UTRN: variants seen among roughly 807,000 people sequenced by gnomAD.
The protein encoded by UTRN is utrophin.
Under a neutral mutation model 463.9 loss-of-function variants are expected in UTRN, and 283 were observed. The ratio of observed to expected loss-of-function variants is 0.61; its 90% CI spans 0.55 to 0.67. The LOEUF (loss-of-function observed/expected upper bound fraction) is 0.67. Ranked by LOEUF, UTRN falls within the 30% of genes least tolerant of loss-of-function variation. The pLI is 0.00. For missense variants in UTRN, 3,922 were observed against 4,084.3 expected, an observed-to-expected ratio of 0.96 and a Z score of 1.08; for synonymous variants, 1,442 against 1,431.5, an observed-to-expected ratio of 1.01 and a Z score of -0.17.
chr6:144,533,632 C>T (rs1029813821), intron 43 of UTRN, among the ~76,000 whole-genome samples: 5 of 152,050 alleles, frequency 3.3e-5, no homozygotes, highest in African/African-American at 1.2e-4. Flanking sequence ...ATTGAGCCTA[C>T]CTTAGTAATA....
At chr6:144,386,446 G>A (rs776199191) in intron 2 of UTRN, among the ~76,000 whole-genome samples, 27 of 152,124 alleles carry the variant, frequency 1.8e-4, no homozygotes, top group Non-Finnish European at 3.2e-4. Context: ...GTGACAGAGT[G>A]AGACTCTGTC....
At chr6:144,415,585 G>A (rs1366711385) in intron 3 of UTRN, among the ~76,000 whole-genome samples, 1 of 152,186 alleles carries the variant, frequency 6.6e-6, no homozygotes, top group Non-Finnish European at 1.5e-5. Flanking sequence ...TGCTTTGAGA[G>A]TATTGAAGTA....
At chr6:144,772,332 G>T (rs1477798250) in intron 59 of UTRN, among the ~76,000 whole-genome samples, 1 of 152,016 alleles carries the variant, frequency 6.6e-6, no homozygotes, top group Non-Finnish European at 1.5e-5. Context: ...GCCGAGAACT[G>T]TATATTGTTA....
intron 58 of UTRN, among the ~76,000 whole-genome samples, chr6:144,764,092 A>C (rs912794951): frequency 2.6e-5 from 4 of 152,208 alleles, no homozygotes; most frequent in Non-Finnish European, 4.4e-5. Context: ...GTTTTTACTG[A>C]AAATAAATAT....
intron 59 of UTRN, among the ~76,000 whole-genome samples, chr6:144,774,004 T>G (rs1227444829): frequency 6.6e-6 from 1 of 152,196 alleles, no homozygotes; most frequent in Non-Finnish European, 1.5e-5. Flanking sequence ...CCTTCCAGTC[T>G]CCTTCATTTC....
At chr6:144,550,131 A>G (rs1278368316) in intron 47 of UTRN, among the ~76,000 whole-genome samples, 1 of 152,148 alleles carries the variant, frequency 6.6e-6, no homozygotes, top group African/African-American at 2.4e-5. Context: ...GGTTTGAGTG[A>G]TTTAGTTTCA....
Position 144,717,627 on chromosome 6 carries a change from CTTTTTTCT to C in UTRN, c.7810-12723_7810-12716del, listed in dbSNP as rs1335509120. Among the ~76,000 whole-genome samples, 199 of 112,618 alleles carry C rather than the reference CTTTTTTCT, an allele frequency of 1.8e-3. 3 individuals are homozygous for C. Among genetic ancestry groups the C allele is most frequent in the African/African-American group, 8.3e-3 (191 of 22,958 alleles). 73.9% of individuals were successfully genotyped at this position (112,618 alleles called of 152,430 possible). On this transcript the variant is annotated intron_variant, in intron 53 of 74. Coordinates refer to ENST00000367545, the MANE Select transcript of UTRN (RefSeq NM_007124.3). The stretch of plus-strand genomic sequence containing the variant: ...ATTTTTTTCTTTTTCTTTTTCTTTT[CTTTTTTCT>C]TTTTTTTTTTTTTTTTTTGAGACAG...
Position 144,851,056 on chromosome 6 carries a change from G to C in UTRN, c.*59G>C. 1 of 1,610,814 alleles carries C rather than the reference G, an allele frequency of 6.2e-7. No individual in the cohort carries two copies. The highest frequency in any genetic ancestry group is 8.5e-7 in the Non-Finnish European group (1 of 1,177,178). ...TACAGTGTTGCCCTTTTCAGCAAAT[G>C]CCAATTCCAAGTTCCATTAAATCAG... is the stretch of plus-strand genomic sequence containing the variant. On this transcript the variant is annotated 3_prime_UTR_variant, in exon 75 of 75. Transcript: ENST00000367545.
intron 51 of UTRN, among the ~76,000 whole-genome samples, chr6:144,611,906 G>A (rs888847376): frequency 2.6e-5 from 4 of 152,032 alleles, no homozygotes; most frequent in African/African-American, 9.7e-5. Flanking sequence ...AACAAATCTG[G>A]AGCAAGCAAA....
chr6:144,653,948 A>G (rs537020339), intron 51 of UTRN, among the ~76,000 whole-genome samples: 1 of 152,366 alleles, frequency 6.6e-6, no homozygotes, highest in Admixed American at 6.5e-5. Context: ...TGAAAGGTGC[A>G]TAATACATTG....
chr6:144,559,113 T>A (rs1486044389), intron 50 of UTRN, among the ~76,000 whole-genome samples: 1 of 151,880 alleles, frequency 6.6e-6, no homozygotes, highest in African/African-American at 2.4e-5. Flanking sequence ...CTTCTTATTT[T>A]TTTTTTTTGC....
intron 2 of UTRN, among the ~76,000 whole-genome samples, chr6:144,371,426 T>C (rs1281587130): frequency 6.6e-6 from 1 of 152,230 alleles, no homozygotes; most frequent in Non-Finnish European, 1.5e-5. Context: ...TGCTTATGTT[T>C]TTGAGACGGA....
At chr6:144,387,228 C>A (rs981195781) in intron 2 of UTRN, among the ~76,000 whole-genome samples, 1 of 152,116 alleles carries the variant, frequency 6.6e-6, no homozygotes, top group East Asian at 1.9e-4. Context: ...CTGCAACCTC[C>A]GCCTCCTGGG....
chr6:144,346,187 A>T lies in UTRN; in HGVS notation c.79+54280A>T, dbSNP rs113588761. ...AGCAAAACTCTGTCTCAAAAAAAAA[A>T]AAAATAAAATAAAAAAGCAGGCTTT... is the stretch of plus-strand genomic sequence containing the variant. On this transcript the variant is annotated intron_variant, in intron 2 of 74. Transcript: ENST00000367545. 6.8e-3 allele frequency among the ~76,000 whole-genome samples: 1,037 copies of T among 151,642 alleles called. 14 individuals carry two copies. The highest frequency in any genetic ancestry group is 0.023 in the African/African-American group (952 of 41,236).
intron 60 of UTRN, among the ~76,000 whole-genome samples, chr6:144,781,592 T>C (rs929937681): frequency 2.0e-5 from 3 of 152,084 alleles, no homozygotes; most frequent in African/African-American, 7.2e-5. Flanking sequence ...GATTGAGAGA[T>C]TTATGCCTTG....
At chr6:144,375,028 A>T (rs1300571308) in intron 2 of UTRN, among the ~76,000 whole-genome samples, 1 of 151,500 alleles carries the variant, frequency 6.6e-6, no homozygotes, top group Non-Finnish European at 1.5e-5. Flanking sequence ...TATCCTTTCC[A>T]TGTTTTCTCC....
intron 13 of UTRN, among the ~76,000 whole-genome samples, chr6:144,441,777 C>T (rs759776185): frequency 4.6e-5 from 7 of 152,184 alleles, no homozygotes; most frequent in Non-Finnish European, 8.8e-5. Flanking sequence ...TGGACATCCA[C>T]GTGTTTCCAT....
intron 33 of UTRN, 117 bp downstream of exon 33, chr6:144,493,573 G>A: frequency 8.5e-7 from 1 of 1,171,248 alleles, no homozygotes; most frequent in Non-Finnish European, 1.2e-6. Context: ...GAAAATGCAT[G>A]TTTGAAAATT....
At chr6:144,511,145 A>G (rs754437441) in intron 35 of UTRN, 22 bp downstream of exon 35, 1 of 1,478,632 alleles carries the variant, frequency 6.8e-7, no homozygotes, top group Non-Finnish European at 9.1e-7. Context: ...GAAAAAGTAA[A>G]TGATGAAATC....
Sources: allele counts gnomAD v4.1 joint callset (sites outside exome capture counted in the v4.1 genomes callset), GRCh38; gene constraint gnomAD v4.1.1; transcripts MANE v1.5; gene names NCBI Gene and HGNC (gene_info 2026-07-23, HGNC 2026-07-21).